Variants in NTM observed in about 807,000 individuals in gnomAD.
NTM encodes the protein IgLON family member 2.
NTM carries 13 observed loss-of-function variants against 42.1 expected under a neutral mutation model. The observed-to-expected ratio is 0.31, with a 90% CI of 0.20 to 0.49. The LOEUF is 0.49. Among genes scored for constraint, NTM ranks in the 20% least tolerant of loss-of-function variants. The pLI is 0.99. For synonymous variants in NTM, 187 were observed against 179.2 expected (o/e 1.04, Z -0.35); for missense variants, 373 against 452.8 (o/e 0.82, Z 1.60).
intron 1 of NTM, among the ~76,000 whole-genome samples, chr11:131,512,165 C>CTCATGAGTGG (rs2048331358): frequency 6.6e-6 from 1 of 152,198 alleles, no homozygotes; most frequent in Non-Finnish European, 1.5e-5. Flanking sequence ...GCCTTGGGGA[C>CTCATGAGTGG]ACGAGTGGAT....
chr11:131,941,931 A>G (rs1460960705), intron 2 of NTM, among the ~76,000 whole-genome samples: 2 of 152,182 alleles, frequency 1.3e-5, no homozygotes, highest in Admixed American at 6.5e-5. Context: ...ACTTACAGTT[A>G]TGGAACATCA....
intron 2 of NTM, among the ~76,000 whole-genome samples, chr11:131,930,992 A>T (rs892109525): frequency 6.6e-6 from 1 of 152,188 alleles, no homozygotes; most frequent in East Asian, 1.9e-4. Context: ...CTGCTAAAAT[A>T]TTAAATAAAA....
At chr11:132,199,459 G>A (rs11824008) in intron 3 of NTM, among the ~76,000 whole-genome samples, 8,874 of 152,242 alleles carry the variant, frequency 0.058, 558 homozygotes, top group African/African-American at 0.16. Flanking sequence ...GTTCAGTGGC[G>A]TACATCTTTT....
chr11:132,096,702 C>T (rs2061039156), intron 2 of NTM, among the ~76,000 whole-genome samples: 1 of 152,158 alleles, frequency 6.6e-6, no homozygotes, highest in Non-Finnish European at 1.5e-5. Flanking sequence ...ATTTCTTCCC[C>T]CAGTGTCTCC....
chr11:132,199,437 T>A (rs951183760), intron 3 of NTM, among the ~76,000 whole-genome samples: 10 of 152,328 alleles, frequency 6.6e-5, no homozygotes, highest in Middle Eastern at 3.4e-3. Flanking sequence ...TGTGCAGAGA[T>A]AAATGAACGC....
rs115958264 is a variant in NTM, at chr11:131,762,589, C to T, written c.83-148975C>T. Among the ~76,000 whole-genome samples, 539 of 152,360 alleles carry T rather than the reference C, an allele frequency of 3.5e-3. 5 individuals carry two copies. The highest frequency in any genetic ancestry group is 0.012 in the African/African-American group (498 of 41,584). On this transcript the variant is annotated intron_variant, in intron 1 of 8. Coordinates refer to ENST00000683400, the MANE Select transcript of NTM (RefSeq NM_001352005.2). ...AGCTCCCCAAGTCCAGCAGGTGTGA[C>T]GGCCCTGTCGCCCTTCCCCTTCCTT...
intron 1 of NTM, among the ~76,000 whole-genome samples, chr11:131,827,809 G>A (rs2042310525): frequency 6.6e-6 from 1 of 152,138 alleles, no homozygotes; most frequent in African/African-American, 2.4e-5. Context: ...CTAACAAAAT[G>A]ATCAAATTTT....
At chr11:131,616,315 G>A (rs1385008810) in intron 1 of NTM, among the ~76,000 whole-genome samples, 1 of 152,182 alleles carries the variant, frequency 6.6e-6, no homozygotes. Context: ...CCAGAAATGG[G>A]GCTTGGGAGT....
intron 1 of NTM, among the ~76,000 whole-genome samples, chr11:131,462,362 C>A (rs1039143349): frequency 5.3e-5 from 8 of 152,152 alleles, no homozygotes; most frequent in African/African-American, 1.4e-4. Flanking sequence ...TAAAACTATG[C>A]ACTCAAAATG....
At chr11:131,837,454 T>C (rs1223034433) in intron 1 of NTM, among the ~76,000 whole-genome samples, 3 of 152,230 alleles carry the variant, frequency 2.0e-5, no homozygotes, top group African/African-American at 7.2e-5. Context: ...GCCTAGTTAT[T>C]GTACAGTGAG....
intron 1 of NTM, among the ~76,000 whole-genome samples, chr11:131,432,788 C>A (rs1948753632): frequency 6.9e-6 from 1 of 145,002 alleles, no homozygotes. Context: ...TATAGAGTTA[C>A]TTCATAAATT....
chr11:132,034,425 G>A (rs1333959902), intron 2 of NTM, among the ~76,000 whole-genome samples: 5 of 152,200 alleles, frequency 3.3e-5, no homozygotes, highest in Admixed American at 3.3e-4. Flanking sequence ...AAGTGCATCT[G>A]TGCACCTCTT....
chr11:132,193,368 A>T (rs1448861369), intron 3 of NTM, among the ~76,000 whole-genome samples: 1 of 152,188 alleles, frequency 6.6e-6, no homozygotes, highest in East Asian at 1.9e-4. Context: ...AAACCATAAA[A>T]TTGCATGGAA....
At chr11:131,853,405 G>C (rs2045784996) in intron 1 of NTM, among the ~76,000 whole-genome samples, 1 of 151,970 alleles carries the variant, frequency 6.6e-6, no homozygotes, top group Admixed American at 6.6e-5. Context: ...TCCACCCCAG[G>C]CTTGGACAGG....
intron 7 of NTM, among the ~76,000 whole-genome samples, chr11:132,317,853 C>T (rs541165230): frequency 2.7e-4 from 41 of 152,256 alleles, no homozygotes; most frequent in Non-Finnish European, 1.6e-4. Flanking sequence ...AGACTTCAAG[C>T]TCCCTTTGCT....
rs75797907 is a variant in NTM, at chr11:131,773,025, G to T, written c.83-138539G>T. Among the ~76,000 whole-genome samples, 1,428 of 152,284 alleles carry T rather than the reference G, an allele frequency of 9.4e-3. 18 individuals carry two copies. The highest frequency in any genetic ancestry group is 0.033 in the African/African-American group (1,376 of 41,558). On this transcript the variant is annotated intron_variant, in intron 1 of 8. Coordinates refer to ENST00000683400, the MANE Select transcript of NTM (RefSeq NM_001352005.2). ...GATGTACTGACATAAATAAAGGATA[G>T]GCATTTTAATCTGTCCCTGATGTTA...
At chr11:131,589,411 C>T (rs2059167356) in intron 1 of NTM, among the ~76,000 whole-genome samples, 1 of 152,094 alleles carries the variant, frequency 6.6e-6, no homozygotes, top group Non-Finnish European at 1.5e-5. Flanking sequence ...ACTGCCATCC[C>T]CCTCAATTAG....
chr11:131,371,792 C>T (rs1331025151), intron 1 of NTM, among the ~76,000 whole-genome samples: 1 of 152,164 alleles, frequency 6.6e-6, no homozygotes, highest in Non-Finnish European at 1.5e-5. Context: ...CTGCCCTGTC[C>T]TTTGGGGTAA....
intron 2 of NTM, among the ~76,000 whole-genome samples, chr11:131,963,438 G>A (rs991596166): frequency 7.2e-5 from 11 of 152,196 alleles, no homozygotes; most frequent in African/African-American, 2.4e-4. Context: ...TGCTCAGAAG[G>A]GAGATATTAT....
Sources: allele counts gnomAD v4.1 joint callset (sites outside exome capture counted in the v4.1 genomes callset), GRCh38; gene constraint gnomAD v4.1.1; transcripts MANE v1.5; gene names NCBI Gene and HGNC (gene_info 2026-07-23, HGNC 2026-07-21).